Variants in PLXND1 observed in about 807,000 individuals in gnomAD.
PLXND1 encodes the protein plexin D1.
In PLXND1, 54 loss-of-function variants were observed where a neutral mutation model predicts 197.7. The ratio of observed to expected loss-of-function variants is 0.27; its 90% confidence interval spans 0.22 to 0.34. The LOEUF is 0.34. Ranked by LOEUF, PLXND1 falls within the 10% of genes least tolerant of loss-of-function variation. The pLI, the probability that PLXND1 is intolerant of heterozygous loss-of-function variation, is 1.00. For synonymous variants in PLXND1, 1,180 were observed against 1,161.2 expected, an observed-to-expected ratio of 1.02 and a Z score of -0.33; for missense variants, 2,127 against 2,699.2, an observed-to-expected ratio of 0.79 and a Z score of 4.70.
intron 1 of PLXND1, among the ~76,000 whole-genome samples, chr3:129,602,265 C>G (rs1049745225): frequency 2.0e-5 from 3 of 152,190 alleles, no homozygotes; most frequent in Non-Finnish European, 2.9e-5. Flanking sequence ...GTCCAGACTC[C>G]CAAGGACGGT....
At chr3:129,602,261 ACTCCCAAGGACGGT>A (rs1273123688) in intron 1 of PLXND1, among the ~76,000 whole-genome samples, 1 of 151,428 alleles carries the variant, frequency 6.6e-6, no homozygotes, top group African/African-American at 2.4e-5. Flanking sequence ...TAAAGTCCAG[ACTCCCAAGGACGGT>A]CTCCCCAGGC....
chr3:129,575,995 C>A, intron 9 of PLXND1, 140 bp from the exon 10 acceptor site: 2 of 649,640 alleles, frequency 3.1e-6, no homozygotes, highest in Non-Finnish European at 2.8e-6. Flanking sequence ...CATGGGCTGT[C>A]CCGTCCCCCA....
chr3:129,583,009 G>T (rs2085406581), intron 8 of PLXND1, among the ~76,000 whole-genome samples: 1 of 152,178 alleles, frequency 6.6e-6, no homozygotes, highest in Non-Finnish European at 1.5e-5. Context: ...GGACGCCACT[G>T]CTCGTGCAGA....
Position 129,572,587 on chromosome 3 carries a change from T to G in PLXND1, c.3077+22A>C. ...ATTGATTTCTCTGGGCTGGAAGGGA[T>G]GGGCCAGGCCCAGAGGCTTACATCA... On this transcript the variant is annotated intron_variant, in intron 15 of 35. Transcript: ENST00000324093. 2.7e-6 allele frequency: 4 copies of G among 1,486,408 alleles called. No homozygotes were observed. The South Asian group carries it at 5.7e-5, about 21-fold the overall frequency. The allele number at this position is 1,486,408 out of a possible 1,614,324, so 92.1% of individuals were successfully genotyped here.
In PLXND1 at chr3:129,560,377, T is replaced by G; in HGVS notation, c.5086A>C (p.Lys1696Gln). The change falls in exon 31 of 36, where the codon AAG (lysine) becomes CAG (glutamine). Residue 1696 changes from lysine (K) to glutamine (Q), a missense_variant. By Grantham distance (53) the Lys-to-Gln change is moderately conservative. Transcript: ENST00000324093. ...PKKSHRQSHR[K>Q]KVLPEIYLTR... ...AGGTAGATTTCCGGGAGCACCTTCT[T>G]GCGATGGCTCTGCCGGTGAGACTTC... is the stretch of plus-strand genomic sequence containing the variant. 6.2e-7 allele frequency: 1 copy of G among 1,614,066 alleles called. No homozygotes were observed. Among genetic ancestry groups the G allele is most frequent in the Non-Finnish European group, 8.5e-7 (1 of 1,179,942 alleles).
At chr3:129,562,702 G>C in intron 27 of PLXND1, 85 bp downstream of exon 27, 2 of 1,297,696 alleles carry the variant, frequency 1.5e-6, no homozygotes, top group Non-Finnish European at 2.1e-6. Context: ...ACCCATGCCA[G>C]GTGAAAGGAG....
intron 1 of PLXND1, chr3:129,591,636 G>A (rs2085543566): frequency 6.6e-6 from 1 of 152,200 alleles, no homozygotes; most frequent in Non-Finnish European, 1.5e-5. Flanking sequence ...TTTCAGACAT[G>A]ACTGCTGCTT....
intron 13 of PLXND1, among the ~76,000 whole-genome samples, chr3:129,573,337 T>C (rs1389602071): frequency 6.6e-6 from 1 of 151,772 alleles, no homozygotes; most frequent in Non-Finnish European, 1.5e-5. Context: ...GAAGAAGGGC[T>C]GTGCTAGGGC....
intron 35 of PLXND1, 91 bp downstream of exon 35, chr3:129,556,526 C>T (rs1386109702): frequency 2.6e-5 from 35 of 1,328,952 alleles, no homozygotes; most frequent in South Asian, 8.2e-5. Flanking sequence ...GAGTGACATC[C>T]GTCCATTAGG....
At position 129,555,613 on chromosome 3, in the gene PLXND1, C is replaced by T. The variant is rs2824; in HGVS notation, c.*699G>A. 71,436 of 616,582 alleles carry T rather than the reference C, an allele frequency of 0.12. 4,883 individuals carry two copies. The highest frequency in any genetic ancestry group is 0.2 in the African/African-American group (10,490 of 52,260). The allele number at this position is 616,582 out of a possible 1,614,324, so 38.2% of individuals were successfully genotyped here. A position where few individuals can be genotyped will look rare whatever the true frequency, so the allele number is the denominator to read the frequency against. On this transcript the variant is annotated 3_prime_UTR_variant, in exon 36 of 36. Transcript: ENST00000324093. ...AGATCAAGTAGCCCAGCTACAGCCTCGGTGCATCTTAACCCCTCTCCTTTT... is the reference window on the plus strand; with the variant it reads ...AGATCAAGTAGCCCAGCTACAGCCTTGGTGCATCTTAACCCCTCTCCTTTT...
chr3:129,595,921 G>GCACGCA (rs1553793028), intron 1 of PLXND1, among the ~76,000 whole-genome samples: 7 of 146,410 alleles, frequency 4.8e-5, no homozygotes, highest in African/African-American at 1.8e-4. Flanking sequence ...GTGCACGCAC[G>GCACGCA]CACACACACA....
In PLXND1 at chr3:129,586,199, T is replaced by G. The variant is rs778233591; in HGVS notation, c.1694A>C (p.Tyr565Ser). The G allele has an allele frequency of 6.2e-7, 1 of 1,604,880 alleles. No individual in the cohort carries two copies. Among genetic ancestry groups the G allele is most frequent in the Non-Finnish European group, 8.5e-7 (1 of 1,178,418 alleles). Residue 565 changes from tyrosine to serine, a missense_variant, in exon 4 of 36, where the codon TAC becomes TCC. By Grantham distance (144) the Tyr-to-Ser change is moderately radical. This residue lies in a region of PLXND1 where 1,095 missense variants were observed against 1,259.8 expected (regional missense o/e 0.87). Coordinates refer to ENST00000324093, the MANE Select transcript of PLXND1 (RefSeq NM_015103.3). ...CGTCTCCAGGGCACACCAGCCGCAG[T>G]AGGCGTCCGCCGCACCCACGCAGTC... ...CGDCVGAADA[Y>S]CGWCALETRC...
chr3:129,579,999 T>C (rs1311200212), intron 8 of PLXND1, among the ~76,000 whole-genome samples: 1 of 152,152 alleles, frequency 6.6e-6, no homozygotes, highest in African/African-American at 2.4e-5. Flanking sequence ...GCTGGGACCG[T>C]TCTGAGCACT....
At position 129,556,360 on chromosome 3, in the gene PLXND1, C is replaced by G; in HGVS notation, c.5730G>C (p.Val1910=). The G allele has an allele frequency of 6.2e-7, 1 of 1,614,186 alleles. No homozygotes were observed. ...AGATGTTGTCCTCCATCAAAGCCAC[C>G]ACCTGCTCAAACTTGTGCTGCAGTT... ...RTQLQHKFEQ[V]VALMEDNIYE... is the part of the protein sequence containing the mutation. The change falls in exon 36 of 36, where the codon GTG becomes GTC. Residue 1910 remains valine, a synonymous_variant. Coordinates refer to ENST00000324093, the MANE Select transcript of PLXND1 (RefSeq NM_015103.3).
rs1469260927 is a variant in PLXND1, at chr3:129,555,519, T to C, written c.*793A>G. ...GCGGCAGCTATTCACAGTTGGTGCATGATACGTTTTTTAATATATAAAAGC... is the reference window on the plus strand; with the variant it reads ...GCGGCAGCTATTCACAGTTGGTGCACGATACGTTTTTTAATATATAAAAGC... On this transcript the variant is annotated 3_prime_UTR_variant, in exon 36 of 36. Coordinates refer to ENST00000324093, the MANE Select transcript of PLXND1 (RefSeq NM_015103.3). The C allele has an allele frequency of 1.5e-6, 1 of 673,230 alleles. No homozygotes were observed. The highest frequency in any genetic ancestry group is 2.6e-6 in the Non-Finnish European group (1 of 377,630). The allele number at this position is 673,230 out of a possible 1,614,324, so 41.7% of individuals were successfully genotyped here.
At chr3:129,586,861 G>T in intron 2 of PLXND1, 142 bp from the exon 3 acceptor site, 1 of 918,232 alleles carries the variant, frequency 1.1e-6, no homozygotes, top group Non-Finnish European at 1.7e-6. Context: ...TCACGGGCGT[G>T]CAGGGGAGGG....
At chr3:129,588,537 C>A (rs2085492849) in intron 2 of PLXND1, among the ~76,000 whole-genome samples, 1 of 152,272 alleles carries the variant, frequency 6.6e-6, no homozygotes, top group African/African-American at 2.4e-5. Context: ...TCCCCAGCCA[C>A]AGCGGTGGGG....
In PLXND1 at chr3:129,557,385, G is replaced by A. The variant is rs1045641346; in HGVS notation, c.5446-162C>T. 3.3e-5 allele frequency among the ~76,000 whole-genome samples: 5 copies of A among 152,102 alleles called. No individual in the cohort carries two copies. Among genetic ancestry groups the A allele is most frequent in the Admixed American group, 3.3e-4 (5 of 15,272 alleles). On this transcript the variant is annotated intron_variant, in intron 33 of 35. Coordinates refer to ENST00000324093, the MANE Select transcript of PLXND1 (RefSeq NM_015103.3). The surrounding 1 kb of genome is among the most constrained non-coding windows in gnomAD (Gnocchi z 4.8). ...TCACTGAACGTCCCCGCACTCAGCC[G>A]GCCCCAGACCAGGGGCTCCTCACTG...
chr3:129,575,611 C>A lies in PLXND1; in HGVS notation c.2437-49G>T, dbSNP rs778832294. 2.8e-6 allele frequency: 4 copies of A among 1,409,218 alleles called. No homozygotes were observed. The South Asian group carries it at 4.9e-5, about 17-fold the overall frequency. The allele number at this position is 1,409,218 out of a possible 1,614,324, so 87.3% of individuals were successfully genotyped here. On this transcript the variant is annotated intron_variant, in intron 10 of 35. Coordinates refer to ENST00000324093, the MANE Select transcript of PLXND1 (RefSeq NM_015103.3). Reference sequence around the variant, plus strand: ...TAGGGGGCATGGGCAATGCCTGGGGCTCTGCTGGGGATGGGTGTCATGGAG... The same window carrying A: ...TAGGGGGCATGGGCAATGCCTGGGGATCTGCTGGGGATGGGTGTCATGGAG...
Sources: gnomAD v4.1 joint callset for allele counts (sites outside exome capture counted in the v4.1 genomes callset) on GRCh38, gnomAD v4.1.1 for gene constraint, gnomAD v4.1.1 regional missense constraint, Gnocchi (gnomAD v3.1) non-coding constraint, MANE v1.5 for transcripts, NCBI Gene and HGNC (gene_info 2026-07-23, HGNC 2026-07-21) for gene names.